SLC10A7: variants seen among roughly 807,000 people sequenced by gnomAD.
SLC10A7 encodes sodium/bile acid cotransporter 7.
Under a neutral mutation model 43.2 loss-of-function variants are expected in SLC10A7, and 29 were observed. That is an observed-to-expected ratio of 0.67 (90% CI 0.50 to 0.92). SLC10A7 has a LOEUF of 0.92. SLC10A7 is among the 40% of genes least tolerant of loss of function. The pLI is 0.00. For synonymous variants in SLC10A7, 152 were observed against 144.8 expected, an observed-to-expected ratio of 1.05 and a Z score of -0.35; for missense variants, 295 against 403.2, an observed-to-expected ratio of 0.73 and a Z score of 2.30.
chr4:146,343,532 A>T (rs998537974), intron 5 of SLC10A7, among the ~76,000 whole-genome samples: 1 of 152,022 alleles, frequency 6.6e-6, no homozygotes, highest in Non-Finnish European at 1.5e-5. Flanking sequence ...ACAATGTTTA[A>T]TCACTTATGT....
intron 10 of SLC10A7, among the ~76,000 whole-genome samples, chr4:146,263,587 G>A (rs897625201): frequency 1.3e-5 from 2 of 152,026 alleles, no homozygotes; most frequent in Non-Finnish European, 2.9e-5. Flanking sequence ...CTATCACTGC[G>A]GTAATATAAA....
At chr4:146,381,922 T>G (rs1480421404) in intron 5 of SLC10A7, among the ~76,000 whole-genome samples, 4 of 152,070 alleles carry the variant, frequency 2.6e-5, no homozygotes, top group African/African-American at 9.7e-5. Flanking sequence ...GACATTTCAG[T>G]GACTTAAAGA....
At chr4:146,513,850 T>C (rs984491229) in intron 2 of SLC10A7, 1 of 152,266 alleles carries the variant, frequency 6.6e-6, no homozygotes, top group African/African-American at 2.4e-5. Flanking sequence ...CCATGTAGAA[T>C]TTTGAGCCAC....
At chr4:146,381,696 C>A (rs2149792107) in intron 5 of SLC10A7, among the ~76,000 whole-genome samples, 1 of 152,192 alleles carries the variant, frequency 6.6e-6, no homozygotes, top group East Asian at 1.9e-4. Context: ...TCCCTTCCCC[C>A]AAAGGAGCAA....
chr4:146,261,481 C>T (rs1250935579), intron 10 of SLC10A7, among the ~76,000 whole-genome samples: 1 of 152,222 alleles, frequency 6.6e-6, no homozygotes, highest in Non-Finnish European at 1.5e-5. Context: ...GTTGCCATTT[C>T]CCTTTTCAGC....
intron 10 of SLC10A7, among the ~76,000 whole-genome samples, chr4:146,278,398 T>C (rs533021070): frequency 5.8e-4 from 89 of 152,268 alleles, no homozygotes; most frequent in Non-Finnish European, 1.0e-3. Flanking sequence ...TTCAAATCAA[T>C]TTCCTCTTGA....
At chr4:146,467,572 T>TTTC (rs1733157415) in intron 4 of SLC10A7, among the ~76,000 whole-genome samples, 1 of 141,894 alleles carries the variant, frequency 7.0e-6, no homozygotes, top group Non-Finnish European at 1.5e-5. Context: ...CTTTTTTTTT[T>TTTC]TTTTTTTTTT....
intron 4 of SLC10A7, among the ~76,000 whole-genome samples, chr4:146,492,070 A>T (rs1735502849): frequency 6.6e-6 from 1 of 151,968 alleles, no homozygotes; most frequent in Admixed American, 6.5e-5. Flanking sequence ...ACCAAAAAAA[A>T]TTAGCTGGGC....
At chr4:146,355,805 C>T (rs1396761694) in intron 5 of SLC10A7, among the ~76,000 whole-genome samples, 40 of 138,358 alleles carry the variant, frequency 2.9e-4, no homozygotes, top group South Asian at 4.5e-4. Context: ...AACCAAACAC[C>T]GCATATTCTC....
At chr4:146,359,206 C>T (rs754756199) in intron 5 of SLC10A7, among the ~76,000 whole-genome samples, 1 of 151,852 alleles carries the variant, frequency 6.6e-6, no homozygotes, top group African/African-American at 2.4e-5. Context: ...AAATCCTTGC[C>T]CACTTTTTAT....
At chr4:146,256,746 A>T in intron 11 of SLC10A7, 1 of 1,191,042 alleles carries the variant, frequency 8.4e-7, no homozygotes, top group Non-Finnish European at 1.2e-6. Context: ...GGCTACTCGT[A>T]TGGTTCCCCT....
chr4:146,347,131 C>T (rs114215228), intron 5 of SLC10A7, among the ~76,000 whole-genome samples: 178 of 152,122 alleles, frequency 1.2e-3, no homozygotes, highest in Non-Finnish European at 1.7e-3. Context: ...AGGTGGAAGG[C>T]ACCTAAAAAT....
At chr4:146,288,397 T>A (rs917280640) in intron 9 of SLC10A7, among the ~76,000 whole-genome samples, 1 of 152,146 alleles carries the variant, frequency 6.6e-6, no homozygotes, top group Non-Finnish European at 1.5e-5. Context: ...AAACAGATAG[T>A]GTTATTGCTC....
intron 10 of SLC10A7, among the ~76,000 whole-genome samples, chr4:146,273,180 T>C (rs992373953): frequency 5.3e-5 from 8 of 152,118 alleles, no homozygotes; most frequent in African/African-American, 1.4e-4. Flanking sequence ...CACTGTACAA[T>C]ATGTGGGATT....
chr4:146,407,092 C>T (rs997054892), intron 5 of SLC10A7, among the ~76,000 whole-genome samples: 5 of 152,192 alleles, frequency 3.3e-5, no homozygotes, highest in Non-Finnish European at 1.5e-5. Flanking sequence ...CTACCCCTCA[C>T]TTTATCTTTT....
chr4:146,427,159 G>A (rs576082052), intron 5 of SLC10A7, among the ~76,000 whole-genome samples: 22 of 151,636 alleles, frequency 1.5e-4, no homozygotes, highest in African/African-American at 5.3e-4. Context: ...GCAAAACCCT[G>A]TCTCTATAAA....
intron 9 of SLC10A7, among the ~76,000 whole-genome samples, chr4:146,292,604 C>T (rs923424776): frequency 2.0e-5 from 3 of 152,094 alleles, no homozygotes; most frequent in Admixed American, 6.5e-5. Flanking sequence ...GTAAATGAAA[C>T]ATAGGGTTCA....
chr4:146,277,314 G>T (rs2111086483), intron 10 of SLC10A7, among the ~76,000 whole-genome samples: 1 of 152,146 alleles, frequency 6.6e-6, no homozygotes, highest in African/African-American at 2.4e-5. Context: ...GAACCCTGGG[G>T]ACTTTCTAAA....
At chr4:146,433,147 C>T (rs1423104348) in intron 5 of SLC10A7, among the ~76,000 whole-genome samples, 1 of 150,002 alleles carries the variant, frequency 6.7e-6, no homozygotes, top group Non-Finnish European at 1.5e-5. Flanking sequence ...AGATATATAA[C>T]ATTCATATTC....
Sources: gnomAD v4.1 joint callset for allele counts (sites outside exome capture counted in the v4.1 genomes callset) on GRCh38, gnomAD v4.1.1 for gene constraint, MANE v1.5 for transcripts, NCBI Gene and HGNC (gene_info 2026-07-23, HGNC 2026-07-21) for gene names.